Variants in GRIK3 observed in about 807,000 individuals in gnomAD.
GRIK3 encodes glutamate ionotropic receptor kainate type subunit 3.
In GRIK3, 29 loss-of-function variants were observed where a neutral mutation model predicts 102.5. The ratio of observed to expected loss-of-function variants is 0.28; its 90% CI spans 0.21 to 0.39. The LOEUF (loss-of-function observed/expected upper bound fraction) is 0.39, where lower values mean the gene tolerates loss of function less well. GRIK3 is among the 10% of genes least tolerant of loss of function. GRIK3 has a pLI of 1.00. For synonymous variants in GRIK3, 511 were observed against 504.9 expected (o/e 1.01, Z -0.16); for missense variants, 908 against 1,252.4 (o/e 0.73, Z 4.15).
rs1466904317 is a variant in GRIK3, at chr1:37,019,394, T to TG, written c.115+14599dup. On this transcript the variant is annotated intron_variant, in intron 1 of 15. Coordinates refer to ENST00000373091, the MANE Select transcript of GRIK3 (RefSeq NM_000831.4). Reference sequence around the variant, plus strand: ...TGCAGCCTCCCTGCCAACTCGACTGTGCGACTTTCAGTTCGTCTCTTCATC... The same window carrying TG: ...TGCAGCCTCCCTGCCAACTCGACTGTGGCGACTTTCAGTTCGTCTCTTCATC... Among the ~76,000 whole-genome samples the TG allele has an allele frequency of 3.3e-5, 5 of 152,298 alleles. No homozygotes were observed. In the East Asian group the frequency reaches 9.7e-4, roughly 29 times the overall value.
intron 1 of GRIK3, among the ~76,000 whole-genome samples, chr1:36,899,382 C>T (rs1479136361): frequency 6.6e-6 from 1 of 152,050 alleles, no homozygotes; most frequent in Non-Finnish European, 1.5e-5. Flanking sequence ...CGTGAATAAA[C>T]ATTGAGGACA....
At chr1:36,927,649 A>G (rs1641542339) in intron 1 of GRIK3, among the ~76,000 whole-genome samples, 1 of 152,190 alleles carries the variant, frequency 6.6e-6, no homozygotes, top group South Asian at 2.1e-4. Context: ...AAAAGAGGGA[A>G]AAGGGAGGCA....
At chr1:36,962,756 G>T (rs777766188) in intron 1 of GRIK3, among the ~76,000 whole-genome samples, 1 of 151,540 alleles carries the variant, frequency 6.6e-6, no homozygotes, top group Non-Finnish European at 1.5e-5. Context: ...CAATACAAAC[G>T]GATAAAAAAT....
At chr1:36,874,955 A>G (rs1051065534) in intron 3 of GRIK3, among the ~76,000 whole-genome samples, 4 of 152,172 alleles carry the variant, frequency 2.6e-5, no homozygotes, top group African/African-American at 7.2e-5. Flanking sequence ...GCCTGAGATG[A>G]GCTTTCCTTT....
At position 36,872,478 on chromosome 1, in the gene GRIK3, G is replaced by A; in HGVS notation, c.551-109C>T. 4.7e-6 allele frequency: 4 copies of A among 842,478 alleles called. No homozygotes were observed. Among genetic ancestry groups the A allele is most frequent in the Non-Finnish European group, 7.2e-6 (4 of 552,832 alleles). 52.2% of individuals were successfully genotyped at this position (842,478 alleles called of 1,614,324 possible). Reference sequence around the variant, plus strand: ...ACATGCCCATGGCCACAGGTCTGCAGACATACACGGGCAGAAACGTGGCCC... The same window carrying A: ...ACATGCCCATGGCCACAGGTCTGCAAACATACACGGGCAGAAACGTGGCCC... On this transcript the variant is annotated intron_variant, in intron 3 of 15. Transcript: ENST00000373091. This position sits in a 1 kb window ranked among gnomAD's most constrained non-coding sequence, Gnocchi z 5.9.
chr1:36,911,979 G>A (rs1164287391), intron 1 of GRIK3, among the ~76,000 whole-genome samples: 1 of 152,074 alleles, frequency 6.6e-6, no homozygotes, highest in Admixed American at 6.5e-5. Context: ...GCAGCAGAAA[G>A]GACAACTCCC....
At chr1:37,012,945 C>T (rs1164437661) in intron 1 of GRIK3, among the ~76,000 whole-genome samples, 3 of 152,150 alleles carry the variant, frequency 2.0e-5, no homozygotes, top group African/African-American at 7.2e-5. Flanking sequence ...CCTGGGATAC[C>T]CCAAAGCACC....
rs1202179580 is a variant in GRIK3 at position 36,801,616 on chromosome 1, CT to C, written c.*234del. On this transcript the variant is annotated 3_prime_UTR_variant, in exon 16 of 16. Transcript: ENST00000373091. ...AGGCATGTGCTTCCTTTGGCCTTGG[CT>C]ATCTCGGCTGGCAGCTTTAGAAACC... 2 of 413,590 alleles carry C rather than the reference CT, an allele frequency of 4.8e-6. No homozygotes were observed. The highest frequency in any genetic ancestry group is 2.0e-5 in the African/African-American group (1 of 49,398). 25.6% of individuals were successfully genotyped at this position (413,590 alleles called of 1,614,324 possible). A position where few individuals can be genotyped will look rare whatever the true frequency, so the allele number is the denominator to read the frequency against.
In GRIK3 at chr1:36,850,430, T is replaced by G. The variant is rs1223241306; in HGVS notation, c.1213-6A>C. 2 of 1,585,424 alleles carry G rather than the reference T, an allele frequency of 1.3e-6. No individual in the cohort carries two copies. Among genetic ancestry groups the G allele is most frequent in the Non-Finnish European group, 1.7e-6 (2 of 1,153,878 alleles). On this transcript the variant is annotated splice_region_variant and splice_polypyrimidine_tract_variant and intron_variant, in intron 8 of 15. Coordinates refer to ENST00000373091, the MANE Select transcript of GRIK3 (RefSeq NM_000831.4). The surrounding 1 kb of genome is among the most constrained non-coding windows in gnomAD (Gnocchi z 4.0). ...GCAGGACTCCACACCCCAACCTGGA[T>G]GGACACAGACAGAAAACAGGGTGCC...
At chr1:37,001,886 G>A (rs1052547956) in intron 1 of GRIK3, among the ~76,000 whole-genome samples, 2 of 151,940 alleles carry the variant, frequency 1.3e-5, no homozygotes, top group African/African-American at 4.8e-5. Flanking sequence ...CTTACCACTG[G>A]GGACCTCTAG....
intron 1 of GRIK3, among the ~76,000 whole-genome samples, chr1:36,947,943 C>A (rs1379672288): frequency 6.6e-6 from 1 of 152,192 alleles, no homozygotes; most frequent in Non-Finnish European, 1.5e-5. Context: ...CTACACTTGC[C>A]TTTGCACTTT....
intron 1 of GRIK3, among the ~76,000 whole-genome samples, chr1:36,920,621 G>A: frequency 6.6e-6 from 1 of 152,128 alleles, no homozygotes; most frequent in East Asian, 1.9e-4. Flanking sequence ...TACAGTTACT[G>A]TTGGCCACCT....
chr1:36,868,389 G>T (rs1640808773), intron 5 of GRIK3, among the ~76,000 whole-genome samples: 1 of 152,218 alleles, frequency 6.6e-6, no homozygotes, highest in South Asian at 2.1e-4. Flanking sequence ...CTTTCTCCCA[G>T]CATGGCTCCT....
chr1:36,917,297 G>A (rs1641412625), intron 1 of GRIK3, among the ~76,000 whole-genome samples: 2 of 152,294 alleles, frequency 1.3e-5, no homozygotes, highest in East Asian at 1.9e-4. Context: ...CTGGCTCATA[G>A]GTGGAAGGGA....
chr1:36,936,277 AT>A (rs760344735), intron 1 of GRIK3, among the ~76,000 whole-genome samples: 1 of 152,194 alleles, frequency 6.6e-6, no homozygotes, highest in African/African-American at 2.4e-5. Flanking sequence ...AAATCAGGGG[AT>A]GGCAAGGGGG....
intron 1 of GRIK3, among the ~76,000 whole-genome samples, chr1:37,033,401 G>A (rs1225444939): frequency 1.3e-5 from 2 of 152,200 alleles, no homozygotes; most frequent in African/African-American, 2.4e-5. Context: ...AGCTGCAGCG[G>A]GCAGCGGGGT....
At chr1:36,956,588 T>A (rs1641908749) in intron 1 of GRIK3, among the ~76,000 whole-genome samples, 1 of 148,726 alleles carries the variant, frequency 6.7e-6, no homozygotes, top group Non-Finnish European at 1.5e-5. Context: ...ATGGCCAAGC[T>A]GAATCCTTGC....
At chr1:36,980,672 T>C (rs913443802) in intron 1 of GRIK3, among the ~76,000 whole-genome samples, 6 of 151,984 alleles carry the variant, frequency 3.9e-5, no homozygotes, top group African/African-American at 1.5e-4. Context: ...AAGGTCTGGC[T>C]TCCCTCAGTA....
At chr1:37,019,051 C>T (rs1642682696) in intron 1 of GRIK3, among the ~76,000 whole-genome samples, 1 of 152,184 alleles carries the variant, frequency 6.6e-6, no homozygotes, top group African/African-American at 2.4e-5. Flanking sequence ...ATTTACACTG[C>T]ATCAGGAATG....
Sources: allele counts gnomAD v4.1 joint callset (sites outside exome capture counted in the v4.1 genomes callset), GRCh38; gene constraint gnomAD v4.1.1; non-coding constraint Gnocchi (gnomAD v3.1); transcripts MANE v1.5; gene names NCBI Gene and HGNC (gene_info 2026-07-23, HGNC 2026-07-21).